Variants in THSD7A observed in about 807,000 individuals in gnomAD.
THSD7A encodes thrombospondin type-1 domain-containing protein 7A.
In THSD7A, 96 loss-of-function variants were observed where a neutral mutation model predicts 231.3. That is an observed-to-expected ratio of 0.41 (90% confidence interval 0.35 to 0.49). The LOEUF (loss-of-function observed/expected upper bound fraction) is 0.49. Among genes scored for constraint, THSD7A ranks in the 20% least tolerant of loss-of-function variants. THSD7A has a pLI of 0.05. For missense variants in THSD7A, 2,290 were observed against 2,070.2 expected (o/e 1.11, Z -2.06); for synonymous variants, 940 against 743.3 (o/e 1.26, Z -4.30).
chr7:11,493,946 T>TGCTCTGAAG (rs1215336673), intron 6 of THSD7A, among the ~76,000 whole-genome samples: 2 of 152,092 alleles, frequency 1.3e-5, no homozygotes, highest in East Asian at 3.9e-4. Context: ...ATACAATTAC[T>TGCTCTGAAG]GCTCTGAAGA....
At chr7:11,800,284 C>T (rs1443367317) in intron 1 of THSD7A, among the ~76,000 whole-genome samples, 2 of 152,172 alleles carry the variant, frequency 1.3e-5, no homozygotes, top group Non-Finnish European at 2.9e-5. Flanking sequence ...CGCGGTGGCT[C>T]ACACCTGTAA....
intron 6 of THSD7A, among the ~76,000 whole-genome samples, chr7:11,499,349 C>T (rs1371544986): frequency 6.6e-6 from 1 of 151,942 alleles, no homozygotes; most frequent in African/African-American, 2.4e-5. Flanking sequence ...ATGACTTGAC[C>T]ACAACCACTA....
chr7:11,474,363 T>G lies in THSD7A; in HGVS notation c.2223A>C (p.Arg741=), dbSNP rs1313653071. 1.2e-6 allele frequency: 2 copies of G among 1,613,216 alleles called. No homozygotes were observed. Among genetic ancestry groups the G allele is most frequent in the Non-Finnish European group, 1.7e-6 (2 of 1,179,456 alleles). The change falls in exon 8 of 28, where the codon CGA becomes CGC. Residue 741 remains arginine (R), a synonymous_variant. Transcript: ENST00000423059. The surrounding 1 kb of genome is among the most constrained non-coding windows in gnomAD (Gnocchi z 4.1). ...TGGGTCCCACTTGGCCCACATTGAC[T>G]CGCACACAGATGACTTTTCTTGTCT... ...GMQTRKVICV[R]VNVGQVGPKK... is the part of the protein sequence containing the mutation.
At chr7:11,611,381 T>C (rs1231410615) in intron 2 of THSD7A, among the ~76,000 whole-genome samples, 2 of 152,004 alleles carry the variant, frequency 1.3e-5, no homozygotes, top group African/African-American at 2.4e-5. Context: ...TATTTTATGA[T>C]AACTGCTTAA....
chr7:11,555,082 C>T (rs984052563), intron 4 of THSD7A, among the ~76,000 whole-genome samples: 44 of 151,560 alleles, frequency 2.9e-4, no homozygotes, highest in African/African-American at 9.4e-4. Flanking sequence ...TTTTTATTTT[C>T]AATTTCATTG....
At chr7:11,805,085 CA>C (rs1176299579) in intron 1 of THSD7A, among the ~76,000 whole-genome samples, 1 of 152,014 alleles carries the variant, frequency 6.6e-6, no homozygotes, top group African/African-American at 2.4e-5. Context: ...GAGTTGTCAC[CA>C]TATATCCACC....
intron 9 of THSD7A, among the ~76,000 whole-genome samples, chr7:11,462,926 T>G (rs940442593): frequency 1.3e-5 from 2 of 152,178 alleles, no homozygotes; most frequent in Admixed American, 1.3e-4. Flanking sequence ...CGTATAAAAC[T>G]TGCCAACTTT....
chr7:11,695,504 T>C (rs556975858), intron 1 of THSD7A, among the ~76,000 whole-genome samples: 1 of 151,600 alleles, frequency 6.6e-6, no homozygotes, highest in African/African-American at 2.4e-5. Flanking sequence ...AATAAGGTGC[T>C]GTGAAAAGAC....
At chr7:11,611,869 T>C (rs2128349242) in intron 2 of THSD7A, among the ~76,000 whole-genome samples, 1 of 151,108 alleles carries the variant, frequency 6.6e-6, no homozygotes, top group Non-Finnish European at 1.5e-5. Context: ...TATCTATCTA[T>C]CTATCTATCT....
At chr7:11,709,089 T>G (rs919991759) in intron 1 of THSD7A, among the ~76,000 whole-genome samples, 11 of 150,832 alleles carry the variant, frequency 7.3e-5, no homozygotes, top group African/African-American at 2.7e-4. Context: ...ATCCTGCTCT[T>G]ATGTAAATCA....
chr7:11,640,893 G>C (rs977766600), intron 1 of THSD7A, among the ~76,000 whole-genome samples: 8 of 151,898 alleles, frequency 5.3e-5, no homozygotes, highest in Non-Finnish European at 8.8e-5. Context: ...CTCCCTAAAG[G>C]GGTTGAGGAG....
At chr7:11,608,022 A>G (rs1419719784) in intron 2 of THSD7A, among the ~76,000 whole-genome samples, 1 of 152,122 alleles carries the variant, frequency 6.6e-6, no homozygotes, top group African/African-American at 2.4e-5. Flanking sequence ...TAGATTTTCT[A>G]TCCTTTCACA....
chr7:11,676,314 C>A (rs939507109), intron 1 of THSD7A, among the ~76,000 whole-genome samples: 1 of 152,078 alleles, frequency 6.6e-6, no homozygotes, highest in Non-Finnish European at 1.5e-5. Flanking sequence ...GAGGAAAAAC[C>A]AGCACAAAAA....
chr7:11,594,882 T>G (rs962824794), intron 2 of THSD7A, among the ~76,000 whole-genome samples: 13 of 152,152 alleles, frequency 8.5e-5, no homozygotes, highest in Non-Finnish European at 1.9e-4. Context: ...ACTGTTAAAG[T>G]GAGGGCATTG....
chr7:11,540,401 G>A (rs566155091), intron 6 of THSD7A, among the ~76,000 whole-genome samples: 1 of 152,196 alleles, frequency 6.6e-6, no homozygotes, highest in Non-Finnish European at 1.5e-5. Context: ...GTCACAGGAG[G>A]AAACAATTCT....
At chr7:11,780,956 AGT>A (rs1783605289) in intron 1 of THSD7A, among the ~76,000 whole-genome samples, 1 of 119,584 alleles carries the variant, frequency 8.4e-6, no homozygotes, top group South Asian at 3.0e-4. Flanking sequence ...GCGCCACTGC[AGT>A]CCGCAGTCCG....
chr7:11,537,304 T>C (rs141222333), intron 6 of THSD7A, among the ~76,000 whole-genome samples: 1 of 152,280 alleles, frequency 6.6e-6, no homozygotes, highest in East Asian at 1.9e-4. Context: ...GTCAATGATA[T>C]AGTTTGGATA....
intron 1 of THSD7A, among the ~76,000 whole-genome samples, chr7:11,660,769 G>A (rs1782896846): frequency 1.3e-5 from 2 of 151,460 alleles, no homozygotes; most frequent in African/African-American, 4.8e-5. Flanking sequence ...ATTAGAATAT[G>A]AGCAAATGTG....
chr7:11,406,220 A>T lies in THSD7A; in HGVS notation c.4237+80T>A. ...GAAGACTGTTGACATCCTGTAACTT[A>T]TACTTTATATGCAACCCCTTCACGG... On this transcript the variant is annotated intron_variant, in intron 22 of 27. Transcript: ENST00000423059. This position sits in a 1 kb window ranked among gnomAD's most constrained non-coding sequence, Gnocchi z 4.7. 7.2e-7 allele frequency: 1 copy of T among 1,390,672 alleles called. No homozygotes were observed. Among genetic ancestry groups the T allele is most frequent in the Non-Finnish European group, 9.8e-7 (1 of 1,017,716 alleles). 86.1% of individuals were successfully genotyped at this position (1,390,672 alleles called of 1,614,324 possible). A position where few individuals can be genotyped will look rare whatever the true frequency, so the allele number is the denominator to read the frequency against.
Sources: allele counts gnomAD v4.1 joint callset (sites outside exome capture counted in the v4.1 genomes callset), GRCh38; gene constraint gnomAD v4.1.1; non-coding constraint Gnocchi (gnomAD v3.1); transcripts MANE v1.5; gene names NCBI Gene and HGNC (gene_info 2026-07-23, HGNC 2026-07-21).